NCS1: variants seen among roughly 807,000 people sequenced by gnomAD.
The protein encoded by NCS1 is frequenin homolog.
NCS1 carries 6 observed loss-of-function variants against 28.4 expected under a neutral mutation model. The ratio of observed to expected loss-of-function variants is 0.21; its 90% confidence interval spans 0.12 to 0.42. The LOEUF (loss-of-function observed/expected upper bound fraction) is 0.42, where lower values mean the gene tolerates loss of function less well. NCS1 is among the 10% of genes least tolerant of loss of function. NCS1 has a pLI of 1.00. For synonymous variants in NCS1, 86 were observed against 99.3 expected (o/e 0.87, Z 0.79); for missense variants, 131 against 241.4 (o/e 0.54, Z 3.03).
chr9:130,206,426 T>G lies in NCS1; in HGVS notation c.89+5444T>G, dbSNP rs543635848. Among the ~76,000 whole-genome samples, 4 of 131,926 alleles carry G rather than the reference T, an allele frequency of 3.0e-5. No homozygotes were observed. The South Asian group carries it at 9.8e-4, about 32-fold the overall frequency. The allele number at this position is 131,926 out of a possible 152,430, so 86.5% of individuals were successfully genotyped here. A position where few individuals can be genotyped will look rare whatever the true frequency, so the allele number is the denominator to read the frequency against. ...TTCTTTTTTTTTTTTTTTTTTTTCC[T>G]GAGATGGAGTCTCACTCGGTCGCCC... On this transcript the variant is annotated intron_variant, in intron 2 of 7. Transcript: ENST00000372398.
At position 130,228,085 on chromosome 9, in the gene NCS1, C is replaced by T. The variant is rs188746377; in HGVS notation, c.*17+1581C>T. ...TCACAATATGGCTGCCGGCTTCCCT[C>T]AGAGCTTTCCAAGAGAGAAGGAGAG... On this transcript the variant is annotated intron_variant, in intron 7 of 7. Coordinates refer to ENST00000372398, the MANE Select transcript of NCS1 (RefSeq NM_014286.4). Among the ~76,000 whole-genome samples the T allele has an allele frequency of 2.6e-5, 4 of 152,310 alleles. No individual in the cohort carries two copies. The East Asian group carries it at 7.7e-4, about 29-fold the overall frequency.
At chr9:130,173,160 C>T (rs564860425) in intron 1 of NCS1, among the ~76,000 whole-genome samples, 60 of 150,002 alleles carry the variant, frequency 4.0e-4, no homozygotes, top group African/African-American at 1.5e-3. Flanking sequence ...GCCGCTGCTG[C>T]GAGATTGGCC....
At chr9:130,182,738 G>A (rs781938813) in intron 1 of NCS1, among the ~76,000 whole-genome samples, 7 of 152,350 alleles carry the variant, frequency 4.6e-5, no homozygotes, top group Admixed American at 2.0e-4. Context: ...TAGGAGCAAC[G>A]TACCGCCATC....
At chr9:130,179,059 C>T (rs189951965) in intron 1 of NCS1, among the ~76,000 whole-genome samples, 31 of 150,906 alleles carry the variant, frequency 2.1e-4, no homozygotes, top group Admixed American at 1.8e-3. Flanking sequence ...CTCAGCCTCC[C>T]GAGTAGGGGA....
chr9:130,203,113 CGTGT>C (rs1832978752), intron 2 of NCS1, among the ~76,000 whole-genome samples: 2 of 131,802 alleles, frequency 1.5e-5, no homozygotes, highest in South Asian at 2.4e-4. Context: ...TGTGTGTGTG[CGTGT>C]GTATGTATAT....
At position 130,235,177 on chromosome 9, in the gene NCS1, G is replaced by A. The variant is rs1415868830; in HGVS notation, c.*2205G>A. ...TGGGGTCAGTGGTTCCACCTTCACA[G>A]GCCACTTTGAAGGGTGGATTCTTTG... On this transcript the variant is annotated 3_prime_UTR_variant, in exon 8 of 8. Coordinates refer to ENST00000372398, the MANE Select transcript of NCS1 (RefSeq NM_014286.4). 2.0e-5 allele frequency: 3 copies of A among 151,900 alleles called. No individual in the cohort carries two copies. The highest frequency in any genetic ancestry group is 2.9e-5 in the Non-Finnish European group (2 of 68,188). The allele number at this position is 151,900 out of a possible 1,614,324, so 9.4% of individuals were successfully genotyped here.
In NCS1 at chr9:130,172,526, G is replaced by C. The variant is rs1166748936; in HGVS notation, c.-138G>C. Reference sequence around the variant, plus strand: ...GGCCGCCCCACGCCCCGGGCGCCCCGGCGCCGACAGCCGCGCAGCGCAGCG... The same window carrying C: ...GGCCGCCCCACGCCCCGGGCGCCCCCGCGCCGACAGCCGCGCAGCGCAGCG... On this transcript the variant is annotated 5_prime_UTR_variant, in exon 1 of 8. Transcript: ENST00000372398. The C allele has an allele frequency of 4.2e-5, 10 of 239,956 alleles. No individual in the cohort carries two copies. In the South Asian group the frequency reaches 8.1e-4, roughly 19 times the overall value. The allele number at this position is 239,956 out of a possible 1,614,324, so 14.9% of individuals were successfully genotyped here.
intron 2 of NCS1, among the ~76,000 whole-genome samples, chr9:130,214,467 A>T (rs1223976727): frequency 6.6e-6 from 1 of 152,232 alleles, no homozygotes; most frequent in East Asian, 1.9e-4. Context: ...GTGAGGGGTC[A>T]GCAGATGGAA....
intron 1 of NCS1, among the ~76,000 whole-genome samples, chr9:130,185,925 C>CT (rs1421889907): frequency 6.6e-6 from 1 of 152,254 alleles, no homozygotes; most frequent in African/African-American, 2.4e-5. Context: ...TGAAGAGCAG[C>CT]TGTCAAAATC....
At chr9:130,223,002 A>C in intron 5 of NCS1, 80 bp from the exon 6 acceptor site, 1 of 1,249,118 alleles carries the variant, frequency 8.0e-7, no homozygotes, top group Non-Finnish European at 1.2e-6. Context: ...GGAAACTGCC[A>C]GGTCTGGGGG....
At chr9:130,228,349 T>A (rs574964689) in intron 7 of NCS1, among the ~76,000 whole-genome samples, 5 of 148,396 alleles carry the variant, frequency 3.4e-5, no homozygotes, top group South Asian at 4.2e-4. Flanking sequence ...CTGGCTAATT[T>A]AAAAAAAAAA....
At chr9:130,231,643 T>C (rs782624369) in intron 7 of NCS1, among the ~76,000 whole-genome samples, 10 of 152,048 alleles carry the variant, frequency 6.6e-5, no homozygotes, top group Non-Finnish European at 1.5e-4. Flanking sequence ...CTTGGCTTCC[T>C]AAAGGGTTGG....
At chr9:130,229,343 C>T (rs1554911816) in intron 7 of NCS1, among the ~76,000 whole-genome samples, 3 of 151,720 alleles carry the variant, frequency 2.0e-5, no homozygotes, top group Non-Finnish European at 4.4e-5. Context: ...CAACCTCTGC[C>T]TCCTGGGTTC....
intron 1 of NCS1, among the ~76,000 whole-genome samples, chr9:130,188,906 G>A (rs1480606234): frequency 1.3e-5 from 2 of 151,932 alleles, no homozygotes; most frequent in African/African-American, 2.4e-5. Context: ...TAATAGACAC[G>A]GGGTTTTGCC....
chr9:130,224,761 TA>T (rs1833388793), intron 6 of NCS1, among the ~76,000 whole-genome samples: 2 of 151,740 alleles, frequency 1.3e-5, no homozygotes, highest in Non-Finnish European at 2.9e-5. Flanking sequence ...GAGCCTAAAA[TA>T]AAAGCCTAAA....
intron 1 of NCS1, among the ~76,000 whole-genome samples, chr9:130,176,388 G>A (rs368465770): frequency 2.0e-5 from 3 of 151,894 alleles, no homozygotes; most frequent in East Asian, 1.9e-4. Flanking sequence ...TAGAGTTAGG[G>A]TCTTGCCCTT....
At chr9:130,190,530 C>T (rs1554906146) in intron 1 of NCS1, among the ~76,000 whole-genome samples, 1 of 152,214 alleles carries the variant, frequency 6.6e-6, no homozygotes, top group Non-Finnish European at 1.5e-5. Context: ...GAACCTATGT[C>T]AGTGCGACTT....
At chr9:130,204,817 A>G (rs12002467) in intron 2 of NCS1, among the ~76,000 whole-genome samples, 2,603 of 152,318 alleles carry the variant, frequency 0.017, 64 homozygotes, top group African/African-American at 0.059. Context: ...TGGTCCTGGC[A>G]TCATCCGTGG....
intron 2 of NCS1, among the ~76,000 whole-genome samples, chr9:130,208,311 G>T (rs372789766): frequency 3.3e-4 from 50 of 151,618 alleles, no homozygotes; most frequent in East Asian, 2.3e-3. Flanking sequence ...AGACAGTCTC[G>T]CTTGGTTGCC....
Sources: gnomAD v4.1 joint callset for allele counts (sites outside exome capture counted in the v4.1 genomes callset) on GRCh38, gnomAD v4.1.1 for gene constraint, MANE v1.5 for transcripts, NCBI Gene and HGNC (gene_info 2026-07-23, HGNC 2026-07-21) for gene names.